The following SHISA9 variants were observed in gnomAD, a reference collection of about 807,000 sequenced individuals.
SHISA9 encodes shisa family member 9, also known as protein shisa-9.
A neutral mutation model predicts 38.0 loss-of-function variants in SHISA9; 13 were observed. The observed-to-expected ratio is 0.34, with a 90% CI of 0.22 to 0.54. The LOEUF (loss-of-function observed/expected upper bound fraction) is 0.54. Ranked by LOEUF, SHISA9 falls within the 20% of genes least tolerant of loss-of-function variation. The probability of loss-of-function intolerance (pLI) is 0.91; values close to 1 mark genes in which losing one functional copy is unlikely to be tolerated. For missense variants in SHISA9, 538 were observed against 575.8 expected, an observed-to-expected ratio of 0.93 and a Z score of 0.67; for synonymous variants, 275 against 242.0, an observed-to-expected ratio of 1.14 and a Z score of -1.27.
At chr16:12,991,260 T>G (rs2072382692) in intron 2 of SHISA9, among the ~76,000 whole-genome samples, 1 of 152,216 alleles carries the variant, frequency 6.6e-6, no homozygotes, top group African/African-American at 2.4e-5. Flanking sequence ...CTTTCAGATC[T>G]TTTTTTGTAT....
At chr16:13,184,985 T>C (rs145605588) in intron 2 of SHISA9, among the ~76,000 whole-genome samples, 1 of 152,348 alleles carries the variant, frequency 6.6e-6, no homozygotes, top group East Asian at 1.9e-4. Context: ...TGTAAGTATA[T>C]GTCTAAAAAG....
At chr16:13,373,041 G>T in the SHISA9 span, among the ~76,000 whole-genome samples, 2 of 152,144 alleles carry the variant, frequency 1.3e-5, no homozygotes, top group Admixed American at 6.5e-5. Context: ...GGAGGCCATA[G>T]CACCCTCACT....
At chr16:13,015,705 A>ACC (rs1439665263) in intron 2 of SHISA9, among the ~76,000 whole-genome samples, 1 of 151,940 alleles carries the variant, frequency 6.6e-6, no homozygotes, top group Non-Finnish European at 1.5e-5. Context: ...GCGTAGATAC[A>ACC]CCGGTTCCCT....
the SHISA9 span, among the ~76,000 whole-genome samples, chr16:13,494,835 G>A: frequency 4.0e-4 from 61 of 152,212 alleles, 1 homozygote; most frequent in East Asian, 8.5e-3. Flanking sequence ...CTTTATTCAC[G>A]ATAGCAAAAA....
chr16:13,523,648 G>A, the SHISA9 span, among the ~76,000 whole-genome samples: 3 of 152,196 alleles, frequency 2.0e-5, no homozygotes, highest in South Asian at 4.2e-4. Context: ...ACTTTTGAAC[G>A]ATCAGATCTC....
the SHISA9 span, among the ~76,000 whole-genome samples, chr16:13,329,204 G>T: frequency 1.1e-4 from 17 of 152,278 alleles, no homozygotes; most frequent in African/African-American, 4.1e-4. Flanking sequence ...CCTCAAGCCT[G>T]CCTGTAAAAT....
At chr16:13,392,483 C>G in the SHISA9 span, among the ~76,000 whole-genome samples, 1 of 152,200 alleles carries the variant, frequency 6.6e-6, no homozygotes, top group East Asian at 1.9e-4. Flanking sequence ...AGGATGTAGA[C>G]CTTTTACTGA....
chr16:12,945,215 T>C (rs2071672803), intron 2 of SHISA9, among the ~76,000 whole-genome samples: 1 of 151,878 alleles, frequency 6.6e-6, no homozygotes, highest in Admixed American at 6.6e-5. Context: ...TGGAGGTGAG[T>C]GTTGAAGGAT....
At chr16:12,984,952 G>A (rs536310451) in intron 2 of SHISA9, among the ~76,000 whole-genome samples, 2 of 152,232 alleles carry the variant, frequency 1.3e-5, no homozygotes, top group Non-Finnish European at 2.9e-5. Context: ...GCTCCCGACG[G>A]GATTAGGCTG....
At chr16:13,478,142 C>T in the SHISA9 span, among the ~76,000 whole-genome samples, 1 of 152,120 alleles carries the variant, frequency 6.6e-6, no homozygotes, top group Admixed American at 6.5e-5. Context: ...GAAAAAGGAA[C>T]CTGCCGGGGA....
chr16:13,396,016 C>A, the SHISA9 span, among the ~76,000 whole-genome samples: 1 of 152,178 alleles, frequency 6.6e-6, no homozygotes, highest in South Asian at 2.1e-4. Flanking sequence ...AAATGTAACA[C>A]TATGACACAT....
chr16:13,432,139 T>C, the SHISA9 span, among the ~76,000 whole-genome samples: 1 of 152,246 alleles, frequency 6.6e-6, no homozygotes, highest in Middle Eastern at 3.2e-3. Flanking sequence ...AATTCTGTTA[T>C]GAATTTCTAG....
At chr16:13,500,575 A>G in the SHISA9 span, among the ~76,000 whole-genome samples, 189 of 149,400 alleles carry the variant, frequency 1.3e-3, no homozygotes, top group African/African-American at 4.4e-3. Flanking sequence ...AAAGAGAAAT[A>G]GAGAGAGAAG....
chr16:13,000,625 A>C (rs142414840), intron 2 of SHISA9, among the ~76,000 whole-genome samples: 2 of 152,088 alleles, frequency 1.3e-5, no homozygotes, highest in Non-Finnish European at 2.9e-5. Context: ...CCACATCCGC[A>C]GGCAGAAGGG....
chr16:13,529,731 T>C, the SHISA9 span, among the ~76,000 whole-genome samples: 1 of 152,200 alleles, frequency 6.6e-6, no homozygotes, highest in Non-Finnish European at 1.5e-5. Context: ...CACCAACCTA[T>C]AGGGCATCCT....
intron 2 of SHISA9, among the ~76,000 whole-genome samples, chr16:13,131,845 A>C (rs964320162): frequency 2.6e-5 from 4 of 152,128 alleles, no homozygotes. Flanking sequence ...CTTGCTTCCT[A>C]AGATAATGTT....
chr16:13,112,487 C>G (rs1400066194), intron 2 of SHISA9, among the ~76,000 whole-genome samples: 1 of 152,108 alleles, frequency 6.6e-6, no homozygotes, highest in Non-Finnish European at 1.5e-5. Context: ...TGGAATCTCT[C>G]AAGGAACATT....
At chr16:13,223,656 G>A (rs7202607) in intron 4 of SHISA9, among the ~76,000 whole-genome samples, 2 of 152,136 alleles carry the variant, frequency 1.3e-5, no homozygotes, top group East Asian at 1.9e-4. Flanking sequence ...GAATAAAGAT[G>A]TACCTGAGAC....
At chr16:13,222,378 T>C (rs2051235704) in intron 4 of SHISA9, among the ~76,000 whole-genome samples, 1 of 152,228 alleles carries the variant, frequency 6.6e-6, no homozygotes, top group South Asian at 2.1e-4. Flanking sequence ...CTTACCATCT[T>C]GTCCTCATCT....
Sources: allele counts gnomAD v4.1 joint callset (sites outside exome capture counted in the v4.1 genomes callset), GRCh38; gene constraint gnomAD v4.1.1; transcripts MANE v1.5; gene names NCBI Gene and HGNC (gene_info 2026-07-23, HGNC 2026-07-21).